The following LUZP2 variants were observed in gnomAD, a reference collection of about 807,000 sequenced individuals.
LUZP2 encodes leucine zipper protein 2.
A neutral mutation model predicts 51.6 loss-of-function variants in LUZP2; 52 were observed. The observed-to-expected ratio is 1.01, with a 90% confidence interval of 0.81 to 1.27. The LOEUF (loss-of-function observed/expected upper bound fraction) is 1.27. Among genes scored for constraint, LUZP2 ranks in the 50% most tolerant of loss-of-function variants. The pLI, the probability that LUZP2 is intolerant of heterozygous loss-of-function variation, is 0.00. For missense variants in LUZP2, 436 were observed against 395.4 expected, an observed-to-expected ratio of 1.10 and a Z score of -0.87; for synonymous variants, 154 against 137.3, an observed-to-expected ratio of 1.12 and a Z score of -0.85.
chr11:24,862,170 G>T (rs1565009715), intron 5 of LUZP2, among the ~76,000 whole-genome samples: 1 of 152,146 alleles, frequency 6.6e-6, no homozygotes, highest in Non-Finnish European at 1.5e-5. Context: ...CACCTATAAA[G>T]GGAAGCCCAT....
At chr11:24,783,109 A>C (rs1849139134) in intron 5 of LUZP2, among the ~76,000 whole-genome samples, 1 of 152,080 alleles carries the variant, frequency 6.6e-6, no homozygotes, top group South Asian at 2.1e-4. Context: ...CAACCACATA[A>C]ATAACTGCCT....
At chr11:24,518,502 C>G (rs576492949) in intron 1 of LUZP2, among the ~76,000 whole-genome samples, 1 of 151,902 alleles carries the variant, frequency 6.6e-6, no homozygotes, top group East Asian at 1.9e-4. Context: ...CTTTTTAAAA[C>G]GAATGGAAGA....
intron 1 of LUZP2, among the ~76,000 whole-genome samples, chr11:24,614,203 A>G (rs1277275482): frequency 6.6e-6 from 1 of 151,982 alleles, no homozygotes; most frequent in Admixed American, 6.6e-5. Context: ...TGAAGGAATT[A>G]TATTTGAATC....
chr11:25,041,903 C>A (rs187943008), intron 9 of LUZP2, among the ~76,000 whole-genome samples: 5 of 152,266 alleles, frequency 3.3e-5, no homozygotes, highest in Admixed American at 3.3e-4. Context: ...AGGAGGGGAA[C>A]CCCTATTGTG....
chr11:24,937,479 A>G (rs1854616803), intron 7 of LUZP2, among the ~76,000 whole-genome samples: 1 of 152,220 alleles, frequency 6.6e-6, no homozygotes, highest in Admixed American at 6.5e-5. Context: ...ATTGTACAAA[A>G]TATTTTAGAC....
At chr11:24,710,763 T>A (rs1857780900) in intron 1 of LUZP2, among the ~76,000 whole-genome samples, 1 of 152,108 alleles carries the variant, frequency 6.6e-6, no homozygotes, top group South Asian at 2.1e-4. Context: ...TTATCACATT[T>A]TTTTTGCAAT....
At chr11:24,614,394 C>T (rs188243717) in intron 1 of LUZP2, among the ~76,000 whole-genome samples, 60 of 152,012 alleles carry the variant, frequency 3.9e-4, no homozygotes, top group African/African-American at 6.7e-4. Context: ...TCTTGAGCCA[C>T]GTATAATCTT....
intron 5 of LUZP2, among the ~76,000 whole-genome samples, chr11:24,897,939 GA>G (rs1565075626): frequency 6.6e-6 from 1 of 152,054 alleles, no homozygotes; most frequent in Non-Finnish European, 1.5e-5. Flanking sequence ...ATAACATAGT[GA>G]AATTTGCAAT....
intron 4 of LUZP2, among the ~76,000 whole-genome samples, chr11:24,756,609 C>G (rs1192315956): frequency 1.3e-5 from 2 of 152,156 alleles, no homozygotes; most frequent in East Asian, 3.9e-4. Flanking sequence ...ATCTCATTCC[C>G]TTGACACAAA....
chr11:24,855,182 AG>A (rs1851521108), intron 5 of LUZP2, among the ~76,000 whole-genome samples: 1 of 152,222 alleles, frequency 6.6e-6, no homozygotes, highest in Non-Finnish European at 1.5e-5. Flanking sequence ...GAAAAGAGGA[AG>A]TCAAATTATC....
chr11:24,570,157 T>A (rs1262641246), intron 1 of LUZP2, among the ~76,000 whole-genome samples: 1 of 151,972 alleles, frequency 6.6e-6, no homozygotes, highest in African/African-American at 2.4e-5. Context: ...AGGGCAAAAT[T>A]CCATGTATAT....
intron 1 of LUZP2, among the ~76,000 whole-genome samples, chr11:24,623,901 A>G (rs1023488222): frequency 2.3e-4 from 35 of 152,288 alleles, no homozygotes; most frequent in African/African-American, 7.7e-4. Flanking sequence ...TACTTGTTAA[A>G]CATTTGCTGT....
At position 24,727,783 on chromosome 11, in the gene LUZP2, G is replaced by C. The variant is rs147067241; in HGVS notation, c.63-1386G>C. 5.8e-4 allele frequency among the ~76,000 whole-genome samples: 88 copies of C among 151,918 alleles called. 1 individual carries two copies. The South Asian group carries it at 0.01, about 18-fold the overall frequency. On this transcript the variant is annotated intron_variant, in intron 1 of 11. Transcript: ENST00000336930. Reference sequence around the variant, plus strand: ...GAGAATATTGTGGTTCTTAGCAATGGGCCATTCCGATTTCCTTTTAATGAG... The same window carrying C: ...GAGAATATTGTGGTTCTTAGCAATGCGCCATTCCGATTTCCTTTTAATGAG...
Position 24,929,335 on chromosome 11 carries a change from CTT to C in LUZP2, c.522+14802_522+14803del, listed in dbSNP as rs2133831239. Among the ~76,000 whole-genome samples, 4 of 152,104 alleles carry C rather than the reference CTT, an allele frequency of 2.6e-5. No homozygotes were observed. In the East Asian group the frequency reaches 7.7e-4, roughly 29 times the overall value. On this transcript the variant is annotated intron_variant, in intron 7 of 11. Transcript: ENST00000336930. ...GATTGTCTATTTGTGCTTTTCCAAA[CTT>C]TTTTATGTAGGCATTTAATGCTATG...
intron 1 of LUZP2, among the ~76,000 whole-genome samples, chr11:24,517,695 A>G (rs1850521517): frequency 2.0e-5 from 3 of 151,974 alleles, no homozygotes; most frequent in Admixed American, 1.3e-4. Flanking sequence ...TTAAAAATCC[A>G]TTTTAGAAGG....
At chr11:24,845,561 G>T (rs760497231) in intron 5 of LUZP2, among the ~76,000 whole-genome samples, 2 of 152,068 alleles carry the variant, frequency 1.3e-5, no homozygotes, top group African/African-American at 2.4e-5. Flanking sequence ...ATACGGTTTG[G>T]CTGTGTCCCC....
chr11:24,707,349 T>C (rs1043448222), intron 1 of LUZP2, among the ~76,000 whole-genome samples: 1 of 151,794 alleles, frequency 6.6e-6, no homozygotes, highest in Non-Finnish European at 1.5e-5. Context: ...TTTATAATAT[T>C]TTAGGCCAAA....
intron 7 of LUZP2, among the ~76,000 whole-genome samples, chr11:24,971,263 T>G (rs972953428): frequency 1.3e-5 from 2 of 152,118 alleles, no homozygotes; most frequent in Non-Finnish European, 2.9e-5. Flanking sequence ...ATTATATTTG[T>G]CACTAGATTC....
chr11:24,918,821 A>G (rs886367877), intron 7 of LUZP2, among the ~76,000 whole-genome samples: 1 of 139,700 alleles, frequency 7.2e-6, no homozygotes, highest in African/African-American at 2.7e-5. Context: ...ATATATATAC[A>G]CATATATCTC....
Sources: gnomAD v4.1 joint callset for allele counts (sites outside exome capture counted in the v4.1 genomes callset) on GRCh38, gnomAD v4.1.1 for gene constraint, MANE v1.5 for transcripts, NCBI Gene and HGNC (gene_info 2026-07-23, HGNC 2026-07-21) for gene names.